Variants in EEIG2 observed in about 807,000 individuals in gnomAD.
EEIG2 encodes the protein EEIG family member 2.
chr1:108,613,605 CA>C, the EEIG2 span, among the ~76,000 whole-genome samples: 28 of 151,002 alleles, frequency 1.9e-4, no homozygotes, highest in African/African-American at 4.9e-4. Flanking sequence ...CTTTGTCCTA[CA>C]AAAAAAAATA....
the EEIG2 span, among the ~76,000 whole-genome samples, chr1:108,569,492 A>G: frequency 6.6e-6 from 1 of 152,014 alleles, no homozygotes; most frequent in Non-Finnish European, 1.5e-5. Flanking sequence ...TGAACATGCT[A>G]AATTTTCTAT....
the EEIG2 span, among the ~76,000 whole-genome samples, chr1:108,587,456 C>G: frequency 8.8e-4 from 134 of 152,220 alleles, no homozygotes; most frequent in Admixed American, 2.0e-3. Flanking sequence ...TTAGGCTTCA[C>G]ACTTGGTGTT....
chr1:108,576,066 C>T, the EEIG2 span, among the ~76,000 whole-genome samples: 1 of 152,260 alleles, frequency 6.6e-6, no homozygotes, highest in Non-Finnish European at 1.5e-5. Flanking sequence ...AGGCTGTTCT[C>T]AAACTCCCGG....
At chr1:108,635,388 T>C in the EEIG2 span, 1 of 513,866 alleles carries the variant, frequency 1.9e-6, no homozygotes, top group Non-Finnish European at 3.5e-6. Flanking sequence ...CTGGCTTCTG[T>C]GGTCACTGCA....
At chr1:108,615,102 C>T in the EEIG2 span, among the ~76,000 whole-genome samples, 1 of 152,194 alleles carries the variant, frequency 6.6e-6, no homozygotes, top group Admixed American at 6.5e-5. Context: ...CATCCATTAG[C>T]TGCAGAACAT....
the EEIG2 span, among the ~76,000 whole-genome samples, chr1:108,607,344 C>T: frequency 1.3e-5 from 2 of 152,170 alleles, no homozygotes; most frequent in African/African-American, 4.8e-5. Flanking sequence ...CTAGATGGCC[C>T]TCGGAGGGTT....
At chr1:108,628,603 G>T in the EEIG2 span, 3 of 1,580,500 alleles carry the variant, frequency 1.9e-6, no homozygotes, top group East Asian at 4.5e-5. Context: ...TTAGTTTAAA[G>T]AATAAATTTT....
the EEIG2 span, chr1:108,624,844 A>C: frequency 1.1e-6 from 1 of 878,830 alleles, no homozygotes; most frequent in South Asian, 1.5e-5. Flanking sequence ...GACTTGAAAC[A>C]GGCCAATAAG....
the EEIG2 span, chr1:108,600,561 T>G: frequency 6.2e-7 from 1 of 1,611,212 alleles, no homozygotes; most frequent in South Asian, 1.1e-5. Flanking sequence ...TTTTCTTTCC[T>G]TCAGGGAGGT....
chr1:108,604,423 G>A, the EEIG2 span, among the ~76,000 whole-genome samples: 1 of 152,168 alleles, frequency 6.6e-6, no homozygotes, highest in Non-Finnish European at 1.5e-5. Context: ...TCATTATTGT[G>A]CAGCCAGTTA....
At chr1:108,636,735 T>C in the EEIG2 span, 3 of 152,160 alleles carry the variant, frequency 2.0e-5, no homozygotes, top group Admixed American at 1.3e-4. Context: ...GAATAAAACA[T>C]TGACCTGAAC....
At chr1:108,593,629 C>T in the EEIG2 span, among the ~76,000 whole-genome samples, 1 of 152,146 alleles carries the variant, frequency 6.6e-6, no homozygotes, top group African/African-American at 2.4e-5. Context: ...AACCATTTGA[C>T]TAGTCAAGCT....
chr1:108,588,833 C>T, the EEIG2 span, among the ~76,000 whole-genome samples: 8 of 151,336 alleles, frequency 5.3e-5, no homozygotes, highest in Admixed American at 5.3e-4. Context: ...ATTTTCTCCC[C>T]TCTGTAGGGG....
At chr1:108,581,262 A>G in the EEIG2 span, among the ~76,000 whole-genome samples, 90 of 152,336 alleles carry the variant, frequency 5.9e-4, no homozygotes, top group African/African-American at 1.8e-3. Flanking sequence ...TTGGCAATAC[A>G]CCTAGTCCCC....
At chr1:108,623,781 C>T in the EEIG2 span, among the ~76,000 whole-genome samples, 2 of 152,052 alleles carry the variant, frequency 1.3e-5, no homozygotes, top group Admixed American at 6.5e-5. Context: ...AAGTGATTCT[C>T]CTTCCTCAGC....
chr1:108,578,570 G>T, the EEIG2 span, among the ~76,000 whole-genome samples: 1 of 149,472 alleles, frequency 6.7e-6, no homozygotes, highest in African/African-American at 2.5e-5. Flanking sequence ...TGTGGTTTTT[G>T]TCTTTGGCTC....
At chr1:108,560,126 G>A in the EEIG2 span, 2 of 171,690 alleles carry the variant, frequency 1.2e-5, no homozygotes, top group African/African-American at 2.7e-5. Flanking sequence ...CGGCGGAGGC[G>A]GCGGCGGCGG....
the EEIG2 span, among the ~76,000 whole-genome samples, chr1:108,581,838 T>A: frequency 1.3e-5 from 2 of 152,204 alleles, no homozygotes; most frequent in African/African-American, 2.4e-5. Flanking sequence ...ACCATAAACT[T>A]AATAAAGCAG....
the EEIG2 span, among the ~76,000 whole-genome samples, chr1:108,572,924 C>T: frequency 2.6e-5 from 4 of 152,178 alleles, no homozygotes; most frequent in Non-Finnish European, 5.9e-5. Context: ...GTTCCTCTTC[C>T]TTCATGGCCT....
Sources: gnomAD v4.1 joint callset for allele counts (sites outside exome capture counted in the v4.1 genomes callset) on GRCh38, gnomAD v4.1.1 for gene constraint, MANE v1.5 for transcripts, NCBI Gene and HGNC (gene_info 2026-07-23, HGNC 2026-07-21) for gene names.